FAT3: variants seen among roughly 807,000 people sequenced by gnomAD.
FAT3 encodes the protein FAT atypical cadherin 3, also known as protocadherin Fat 3.
In FAT3, 95 loss-of-function variants were observed where a neutral mutation model predicts 310.2. That is an observed-to-expected ratio of 0.31 (90% confidence interval 0.26 to 0.36). The LOEUF (loss-of-function observed/expected upper bound fraction) is 0.36, where lower values mean the gene tolerates loss of function less well. FAT3 is among the 10% of genes least tolerant of loss of function. The pLI is 1.00. For synonymous variants in FAT3, 2,314 were observed against 2,192.9 expected, an observed-to-expected ratio of 1.06 and a Z score of -1.54; for missense variants, 5,408 against 5,715.6, an observed-to-expected ratio of 0.95 and a Z score of 1.74.
rs147696047 is a variant in FAT3 at position 92,480,548 on chromosome 11, C to T, written c.3293-44086C>T. On this transcript the variant is annotated intron_variant, in intron 2 of 27. Transcript: ENST00000525166. ...AACAGCTGACTTTGTGTTCCACTAC[C>T]CTAGTGAGCTTACATGAAACAAATC... Among the ~76,000 whole-genome samples, 102 of 152,284 alleles carry T rather than the reference C, an allele frequency of 6.7e-4. 1 individual carries two copies. In the South Asian group the frequency reaches 0.02, roughly 30 times the overall value.
At chr11:92,508,932 C>T (rs1953200951) in intron 2 of FAT3, among the ~76,000 whole-genome samples, 1 of 152,136 alleles carries the variant, frequency 6.6e-6, no homozygotes, top group Admixed American at 6.6e-5. Flanking sequence ...TCCCACAACA[C>T]TTTTCAAGGC....
chr11:92,711,936 A>G (rs1944535966), intron 4 of FAT3, among the ~76,000 whole-genome samples: 1 of 152,216 alleles, frequency 6.6e-6, no homozygotes, highest in Non-Finnish European at 1.5e-5. Flanking sequence ...ATCCCACAGA[A>G]TCATAAAATT....
intron 4 of FAT3, among the ~76,000 whole-genome samples, chr11:92,713,747 A>T (rs909820914): frequency 2.0e-5 from 3 of 152,196 alleles, no homozygotes; most frequent in Non-Finnish European, 4.4e-5. Context: ...ATATTATTAA[A>T]TTTGAAAATG....
At chr11:92,657,630 T>C (rs1386004449) in intron 3 of FAT3, among the ~76,000 whole-genome samples, 1 of 152,270 alleles carries the variant, frequency 6.6e-6, no homozygotes, top group East Asian at 1.9e-4. Context: ...CACAGCATTT[T>C]GTCATTTGAA....
chr11:92,423,980 A>G (rs1486555197), intron 2 of FAT3, among the ~76,000 whole-genome samples: 2 of 152,224 alleles, frequency 1.3e-5, no homozygotes, highest in East Asian at 1.9e-4. Context: ...AGTGGGTCTC[A>G]TGGCCTAGCC....
intron 1 of FAT3, among the ~76,000 whole-genome samples, chr11:92,294,085 G>A (rs982969608): frequency 4.6e-5 from 7 of 152,014 alleles, no homozygotes; most frequent in Non-Finnish European, 7.4e-5. Flanking sequence ...TGGAGGCTGG[G>A]AAAATCCCAA....
chr11:92,654,344 A>G (rs1358034373), intron 3 of FAT3, among the ~76,000 whole-genome samples: 2 of 152,100 alleles, frequency 1.3e-5, no homozygotes, highest in Non-Finnish European at 2.9e-5. Flanking sequence ...TATATGTCCA[A>G]TTTTCTTCTG....
intron 3 of FAT3, among the ~76,000 whole-genome samples, chr11:92,644,064 C>T (rs1268010712): frequency 1.3e-5 from 2 of 152,246 alleles, no homozygotes; most frequent in Non-Finnish European, 2.9e-5. Context: ...TGCCTGGGTG[C>T]CTCTGCTGCT....
intron 2 of FAT3, among the ~76,000 whole-genome samples, chr11:92,427,119 T>C (rs1950652500): frequency 6.6e-6 from 1 of 152,204 alleles, no homozygotes; most frequent in African/African-American, 2.4e-5. Flanking sequence ...TTCCTAGGTA[T>C]TTTATTCACT....
At chr11:92,229,698 T>A (rs1864088612) in intron 1 of FAT3, among the ~76,000 whole-genome samples, 2 of 151,550 alleles carry the variant, frequency 1.3e-5, no homozygotes. Flanking sequence ...CAGTTACATG[T>A]AATAGTGACA....
Position 92,867,075 on chromosome 11 carries a change from T to C in FAT3, c.11993T>C (p.Leu3998Pro), listed in dbSNP as rs2136351373. ...ATACTGAATAACAATGAGCTGCCGC[T>C]GCAGAACAAGCGCAGCAGCTTCGCG... is the stretch of plus-strand genomic sequence containing the variant. ...SVILNNNELP[L>P]QNKRSSFAEV... Residue 3998 changes from leucine (L) to proline (P), a missense_variant, in exon 22 of 28, where the codon CTG becomes CCG. Physicochemically the swap from Leu to Pro is moderately conservative, Grantham distance 98 (BLOSUM62 -3). Around this residue, in one of 5 missense-constraint regions of FAT3, gnomAD observed 4,588 missense variants for 4,809.8 expected, o/e 0.95. Coordinates refer to ENST00000525166, the MANE Select transcript of FAT3 (RefSeq NM_001367949.2). 2 of 1,592,942 alleles carry C rather than the reference T, an allele frequency of 1.3e-6. No homozygotes were observed. Among genetic ancestry groups the C allele is most frequent in the Non-Finnish European group, 1.7e-6 (2 of 1,170,016 alleles).
At chr11:92,782,616 A>G (rs1411462477) in intron 7 of FAT3, among the ~76,000 whole-genome samples, 2 of 152,202 alleles carry the variant, frequency 1.3e-5, no homozygotes, top group African/African-American at 4.8e-5. Flanking sequence ...TTGTATCTCT[A>G]TGCTCCACAG....
intron 3 of FAT3, among the ~76,000 whole-genome samples, chr11:92,618,357 C>T (rs186382594): frequency 2.0e-3 from 312 of 152,282 alleles, no homozygotes; most frequent in African/African-American, 7.0e-3. Flanking sequence ...GGGAGTGTCC[C>T]GATTTTCCAG....
At chr11:92,437,715 TG>T (rs368024464) in intron 2 of FAT3, among the ~76,000 whole-genome samples, 31 of 152,270 alleles carry the variant, frequency 2.0e-4, no homozygotes, top group African/African-American at 6.5e-4. Context: ...ATGGGAACAC[TG>T]GGGGTAATCC....
At chr11:92,372,135 T>C (rs1024682591) in intron 2 of FAT3, among the ~76,000 whole-genome samples, 2 of 152,198 alleles carry the variant, frequency 1.3e-5, no homozygotes, top group African/African-American at 4.8e-5. Flanking sequence ...TGGCCTTTTA[T>C]TGGTCAAATC....
chr11:92,857,844 T>A (rs1159861271), intron 20 of FAT3, among the ~76,000 whole-genome samples: 1 of 152,298 alleles, frequency 6.6e-6, no homozygotes, highest in South Asian at 2.1e-4. Flanking sequence ...ACTAACTTCA[T>A]GTTCCAGCTG....
chr11:92,318,974 T>A (rs1947537758), intron 1 of FAT3, among the ~76,000 whole-genome samples: 1 of 152,170 alleles, frequency 6.6e-6, no homozygotes, highest in Non-Finnish European at 1.5e-5. Flanking sequence ...ATGGAGCATA[T>A]TCTATGTGCA....
At chr11:92,820,066 T>A (rs1947920878) in intron 13 of FAT3, among the ~76,000 whole-genome samples, 1 of 152,136 alleles carries the variant, frequency 6.6e-6, no homozygotes, top group Non-Finnish European at 1.5e-5. Flanking sequence ...CTTCAGAGAT[T>A]AGGTTATAAG....
chr11:92,643,209 G>C (rs936914367), intron 3 of FAT3, among the ~76,000 whole-genome samples: 1 of 152,154 alleles, frequency 6.6e-6, no homozygotes, highest in Non-Finnish European at 1.5e-5. Flanking sequence ...AATTAATGCA[G>C]ATACTGTGGT....
Sources: gnomAD v4.1 joint callset for allele counts (sites outside exome capture counted in the v4.1 genomes callset) on GRCh38, gnomAD v4.1.1 for gene constraint, gnomAD v4.1.1 regional missense constraint, MANE v1.5 for transcripts, NCBI Gene and HGNC (gene_info 2026-07-23, HGNC 2026-07-21) for gene names.